Variants in NRG1 observed in about 807,000 individuals in gnomAD.
NRG1 encodes pro-neuregulin-1, membrane-bound isoform.
A neutral mutation model predicts 63.8 loss-of-function variants in NRG1; 18 were observed. That is an observed-to-expected ratio of 0.28 (90% CI 0.19 to 0.42). The LOEUF (loss-of-function observed/expected upper bound fraction) is 0.42. Ranked by LOEUF, NRG1 falls within the 10% of genes least tolerant of loss-of-function variation. NRG1 has a pLI of 1.00. For missense variants in NRG1, 762 were observed against 814.7 expected, an observed-to-expected ratio of 0.94 and a Z score of 0.79; for synonymous variants, 302 against 301.3, an observed-to-expected ratio of 1.00 and a Z score of -0.02.
intron 6 of NRG1, among the ~76,000 whole-genome samples, chr8:32,730,151 A>C (rs1823268421): frequency 6.6e-6 from 1 of 152,232 alleles, no homozygotes; most frequent in African/African-American, 2.4e-5. Context: ...AAAATATTAA[A>C]GCAAGATGAA....
At chr8:32,283,631 G>T (rs1853153234) in intron 1 of NRG1, among the ~76,000 whole-genome samples, 1 of 152,192 alleles carries the variant, frequency 6.6e-6, no homozygotes, top group Non-Finnish European at 1.5e-5. Flanking sequence ...TTAAGAGGTA[G>T]AGGAACATCA....
chr8:31,886,713 T>C (rs868522906), intron 1 of NRG1, among the ~76,000 whole-genome samples: 2 of 152,042 alleles, frequency 1.3e-5, no homozygotes, highest in African/African-American at 2.4e-5. Flanking sequence ...GATTAGAATA[T>C]GGTAGCTAGC....
chr8:32,254,971 C>A (rs1429437257), intron 1 of NRG1, among the ~76,000 whole-genome samples: 1 of 152,138 alleles, frequency 6.6e-6, no homozygotes, highest in Non-Finnish European at 1.5e-5. Context: ...TTGTCTTTAT[C>A]TTTATTGATT....
intron 1 of NRG1, among the ~76,000 whole-genome samples, chr8:32,158,122 C>G (rs1480533646): frequency 1.3e-5 from 2 of 151,990 alleles, no homozygotes; most frequent in African/African-American, 4.8e-5. Flanking sequence ...TCCCTGCTCC[C>G]TCCCTGCCTG....
chr8:32,521,204 C>T (rs570431550), intron 1 of NRG1, among the ~76,000 whole-genome samples: 3 of 152,204 alleles, frequency 2.0e-5, no homozygotes, highest in Admixed American at 6.5e-5. Flanking sequence ...TTGTGGATAA[C>T]GGGGACCACT....
intron 1 of NRG1, among the ~76,000 whole-genome samples, chr8:32,480,594 G>T (rs993339165): frequency 6.6e-6 from 1 of 152,176 alleles, no homozygotes; most frequent in Admixed American, 6.5e-5. Context: ...TTGCTGTAAA[G>T]AAGTATCTGA....
Position 31,703,666 on chromosome 8 carries a change from A to G in NRG1, c.37+64235A>G, listed in dbSNP as rs116481921. Reference sequence around the variant, plus strand: ...CAACCATATCCTCAAGTTTATGTCTATATTCCCAGGGGAGTACAAGAAACT... The same window carrying G: ...CAACCATATCCTCAAGTTTATGTCTGTATTCCCAGGGGAGTACAAGAAACT... On this transcript the variant is annotated intron_variant, in intron 1 of 10. Coordinates refer to the NRG1 transcript ENST00000519301. Among the ~76,000 whole-genome samples, 449 of 152,322 alleles carry G rather than the reference A, an allele frequency of 2.9e-3. 5 individuals carry two copies. The highest frequency in any genetic ancestry group is 9.2e-3 in the African/African-American group (384 of 41,576).
At chr8:32,747,258 A>C (rs949635150) in intron 7 of NRG1, among the ~76,000 whole-genome samples, 12 of 152,104 alleles carry the variant, frequency 7.9e-5, no homozygotes, top group African/African-American at 2.9e-4. Flanking sequence ...CTCTGGAAAG[A>C]GTTTCTGTAG....
At chr8:32,484,272 A>G (rs1354741365) in intron 1 of NRG1, among the ~76,000 whole-genome samples, 1 of 152,174 alleles carries the variant, frequency 6.6e-6, no homozygotes, top group Non-Finnish European at 1.5e-5. Context: ...CCAGGTACAA[A>G]CTACTGAACA....
intron 6 of NRG1, among the ~76,000 whole-genome samples, chr8:32,739,266 T>G (rs546271577): frequency 6.6e-6 from 1 of 152,244 alleles, no homozygotes; most frequent in South Asian, 2.1e-4. Flanking sequence ...GGGATCTTGT[T>G]AAAATGAAGC....
At chr8:32,157,413 GT>G (rs1436414098) in intron 1 of NRG1, among the ~76,000 whole-genome samples, 1 of 147,978 alleles carries the variant, frequency 6.8e-6, no homozygotes, top group African/African-American at 2.5e-5. Context: ...TGTAATCGCA[GT>G]ATTTTGGGAG....
At chr8:32,643,505 T>C (rs1358320960) in intron 5 of NRG1, among the ~76,000 whole-genome samples, 1 of 152,152 alleles carries the variant, frequency 6.6e-6, no homozygotes, top group Non-Finnish European at 1.5e-5. Flanking sequence ...GGTCGTCATG[T>C]GGGGGAGCCA....
intron 1 of NRG1, among the ~76,000 whole-genome samples, chr8:32,556,501 A>G (rs1198998786): frequency 1.3e-5 from 2 of 152,206 alleles, no homozygotes; most frequent in Non-Finnish European, 2.9e-5. Context: ...CTTAACCACC[A>G]TTATTTCTAC....
intron 1 of NRG1, among the ~76,000 whole-genome samples, chr8:31,812,977 T>C (rs1362367315): frequency 6.6e-6 from 1 of 152,200 alleles, no homozygotes; most frequent in East Asian, 1.9e-4. Context: ...ATCATTGTAT[T>C]GATGAGAAGA....
chr8:32,066,570 A>T lies in NRG1; in HGVS notation c.37+427139A>T, dbSNP rs1208390201. On this transcript the variant is annotated intron_variant, in intron 1 of 10. Coordinates refer to the NRG1 transcript ENST00000519301. ...ATATCTCTGTTTTGGTACCAGTACCATGCTGTTTTGGTTACTGTAGCCTTG... is the reference window on the plus strand; with the variant it reads ...ATATCTCTGTTTTGGTACCAGTACCTTGCTGTTTTGGTTACTGTAGCCTTG... 1.8e-4 allele frequency among the ~76,000 whole-genome samples: 28 copies of T among 152,174 alleles called. No homozygotes were observed. The East Asian group carries it at 4.8e-3, about 26-fold the overall frequency.
chr8:32,141,563 A>G (rs1377018496), intron 1 of NRG1, among the ~76,000 whole-genome samples: 1 of 139,706 alleles, frequency 7.2e-6, no homozygotes, highest in African/African-American at 2.6e-5. Context: ...TACTTTATAT[A>G]TGTATATATA....
chr8:32,684,508 T>C (rs941031886), intron 5 of NRG1, among the ~76,000 whole-genome samples: 4 of 152,208 alleles, frequency 2.6e-5, no homozygotes, highest in African/African-American at 9.6e-5. Context: ...ATTTACACTT[T>C]AATGGAATTG....
chr8:32,346,546 T>C (rs1804923103), intron 1 of NRG1, among the ~76,000 whole-genome samples: 1 of 106,492 alleles, frequency 9.4e-6, no homozygotes, highest in African/African-American at 2.9e-5. Flanking sequence ...TAGAGGCATC[T>C]TTTGGGAAAA....
At chr8:31,659,430 C>T (rs529817262) in intron 1 of NRG1, among the ~76,000 whole-genome samples, 3 of 152,092 alleles carry the variant, frequency 2.0e-5, no homozygotes, top group African/African-American at 4.8e-5. Flanking sequence ...TGCAACCATG[C>T]GACAAGAGGT....
Sources: allele counts gnomAD v4.1 joint callset (sites outside exome capture counted in the v4.1 genomes callset), GRCh38; gene constraint gnomAD v4.1.1; transcripts MANE v1.5; gene names NCBI Gene and HGNC (gene_info 2026-07-23, HGNC 2026-07-21).